The following CNGB1 variants were observed in gnomAD, a reference collection of about 807,000 sequenced individuals.
CNGB1 encodes cyclic nucleotide gated channel subunit beta 1.
In CNGB1, 126 loss-of-function variants were observed where a neutral mutation model predicts 151.7. The ratio of observed to expected loss-of-function variants is 0.83; its 90% confidence interval spans 0.72 to 0.96. The LOEUF is 0.96. Among genes scored for constraint, CNGB1 ranks in the 40% least tolerant of loss-of-function variants. The pLI, the probability that CNGB1 is intolerant of heterozygous loss-of-function variation, is 0.00. For missense variants in CNGB1, 1,698 were observed against 1,627.0 expected (o/e 1.04, Z -0.75); for synonymous variants, 623 against 635.1 (o/e 0.98, Z 0.29).
At chr16:57,897,575 C>A in intron 30 of CNGB1, 32 bp from the exon 31 acceptor site, 1 of 1,613,306 alleles carries the variant, frequency 6.2e-7, no homozygotes, top group Non-Finnish European at 8.5e-7. Context: ...GGAGGCCCTT[C>A]AGAGACTGCC....
chr16:57,905,541 A>C (rs1301898156), intron 25 of CNGB1, among the ~76,000 whole-genome samples: 1 of 152,230 alleles, frequency 6.6e-6, no homozygotes, highest in Non-Finnish European at 1.5e-5. Context: ...GTGTGGTAAA[A>C]GGCATAGGAA....
At chr16:57,893,169 A>G (rs1377092493) in intron 31 of CNGB1, among the ~76,000 whole-genome samples, 1 of 152,244 alleles carries the variant, frequency 6.6e-6, no homozygotes, top group Non-Finnish European at 1.5e-5. Flanking sequence ...GTGTGATACA[A>G]GACAAGGAGG....
At chr16:57,893,047 C>T (rs1446936710) in intron 31 of CNGB1, among the ~76,000 whole-genome samples, 2 of 152,170 alleles carry the variant, frequency 1.3e-5, no homozygotes, top group Non-Finnish European at 2.9e-5. Flanking sequence ...GTACTCGATA[C>T]ATCACTGTGC....
At chr16:57,912,891 T>C in intron 24 of CNGB1, 39 bp downstream of exon 24, 1 of 1,592,388 alleles carries the variant, frequency 6.3e-7, no homozygotes, top group Non-Finnish European at 8.6e-7. Context: ...GTGAGTGTCA[T>C]GTGTGTGTGC....
chr16:57,887,400 G>A (rs745506133), intron 32 of CNGB1, among the ~76,000 whole-genome samples: 8 of 152,050 alleles, frequency 5.3e-5, no homozygotes, highest in Non-Finnish European at 8.8e-5. Flanking sequence ...ACACCGAATG[G>A]CTCAAGAATT....
At chr16:57,947,226 C>T (rs1961832331) in intron 14 of CNGB1, among the ~76,000 whole-genome samples, 1 of 152,232 alleles carries the variant, frequency 6.6e-6, no homozygotes, top group Non-Finnish European at 1.5e-5. Context: ...CACATCTGCA[C>T]ATGCATGTAT....
At chr16:57,954,235 C>T (rs1410872418) in intron 12 of CNGB1, among the ~76,000 whole-genome samples, 1 of 152,162 alleles carries the variant, frequency 6.6e-6, no homozygotes, top group East Asian at 1.9e-4. Context: ...GGGATTGCCC[C>T]ACCTCATCAC....
rs2405011 is a variant in CNGB1 at position 57,960,331 on chromosome 16, C to T, written c.583+151G>A. On this transcript the variant is annotated intron_variant, in intron 9 of 32. Transcript: ENST00000251102. ...ACTGGGGAGGGGATTCTGGTGTCCC[C>T]GCCAACAGCCTGCTCCAGGCAAGCC... 15 of 1,193,432 alleles carry T rather than the reference C, an allele frequency of 1.3e-5. No homozygotes were observed. The East Asian group carries it at 3.1e-4, about 24-fold the overall frequency. 73.9% of individuals were successfully genotyped at this position (1,193,432 alleles called of 1,614,324 possible).
intron 32 of CNGB1, among the ~76,000 whole-genome samples, chr16:57,886,421 C>G (rs1285341960): frequency 6.6e-6 from 1 of 152,230 alleles, no homozygotes; most frequent in African/African-American, 2.4e-5. Context: ...TGAAGACCCC[C>G]ACTTGCCAGC....
chr16:57,901,617 CT>C lies in CNGB1; in HGVS notation c.2802del (p.Glu935SerfsTer2). On this transcript the variant is annotated frameshift_variant, in exon 28 of 33. Transcript: ENST00000251102. LOFTEE classifies it high-confidence loss of function. ...TTGTCTGGAAGCTGCACCATCAGCT[CT>C]GACTCATCTGTGAACAAGGCCTGGC... is the stretch of plus-strand genomic sequence containing the variant. ...TWHSQGMLDE[S>X]ELMVQLPDKM... The C allele has an allele frequency of 6.2e-7, 1 of 1,613,854 alleles. No homozygotes were observed. The highest frequency in any genetic ancestry group is 1.1e-5 in the South Asian group (1 of 91,040).
chr16:57,887,519 C>T (rs1959965198), intron 32 of CNGB1, among the ~76,000 whole-genome samples: 1 of 151,900 alleles, frequency 6.6e-6, no homozygotes, highest in Admixed American at 6.6e-5. Context: ...AGGAGGATGT[C>T]ATCCTAGATA....
chr16:57,919,059 TC>T, intron 20 of CNGB1, 39 bp downstream of exon 20: 1 of 1,613,964 alleles, frequency 6.2e-7, no homozygotes, highest in Non-Finnish European at 8.5e-7. Flanking sequence ...TCCTGCTCTC[TC>T]ATCTTACACA....
intron 2 of CNGB1, among the ~76,000 whole-genome samples, 176 bp downstream of exon 2, chr16:57,966,952 C>T (rs1962414131): frequency 6.6e-6 from 1 of 152,176 alleles, no homozygotes; most frequent in South Asian, 2.1e-4. Flanking sequence ...CAAGCCCTAC[C>T]CACTGTCTGA....
chr16:57,957,285 G>A, intron 12 of CNGB1, 56 bp downstream of exon 12: 18 of 1,550,708 alleles, frequency 1.2e-5, no homozygotes, highest in Non-Finnish European at 1.6e-5. Context: ...CAGACCCAAG[G>A]ACACCAAGCA....
At chr16:57,911,351 C>A (rs192139054) in intron 25 of CNGB1, among the ~76,000 whole-genome samples, 44 of 152,296 alleles carry the variant, frequency 2.9e-4, no homozygotes, top group Admixed American at 2.8e-3. Flanking sequence ...TGCAATGGCA[C>A]GATCTCGGCT....
intron 17 of CNGB1, among the ~76,000 whole-genome samples, chr16:57,929,757 C>T (rs1961295184): frequency 6.6e-6 from 1 of 152,178 alleles, no homozygotes; most frequent in Non-Finnish European, 1.5e-5. Context: ...TGGGGAAAAC[C>T]AGTCCCATGA....
chr16:57,902,355 G>A (rs1330398649), intron 27 of CNGB1, among the ~76,000 whole-genome samples: 1 of 151,784 alleles, frequency 6.6e-6, no homozygotes, highest in Non-Finnish European at 1.5e-5. Context: ...ACAGGAGTGA[G>A]CCACCGCACC....
chr16:57,919,179 T>TAGTGCTCC lies in CNGB1; in HGVS notation c.1869_1876dup (p.Tyr626TrpfsTer29), dbSNP rs778987083. On this transcript the variant is annotated frameshift_variant, in exon 20 of 33. Coordinates refer to ENST00000251102, the MANE Select transcript of CNGB1 (RefSeq NM_001297.5). LOFTEE classifies it high-confidence loss of function. Reference sequence around the variant, plus strand: ...GAACTTGCAGCAGAGCATGTCGCAATAGTGCTCCTCTTCCACTGGCTCGGC... The same window carrying TAGTGCTCC: ...GAACTTGCAGCAGAGCATGTCGCAATAGTGCTCCAGTGCTCCTCTTCCACTGGCTCGGC... 3 of 1,614,204 alleles carry TAGTGCTCC rather than the reference T, an allele frequency of 1.9e-6. No homozygotes were observed. Among genetic ancestry groups the TAGTGCTCC allele is most frequent in the Non-Finnish European group, 2.5e-6 (3 of 1,180,026 alleles).
At chr16:57,901,961 C>A (rs140908092) in intron 27 of CNGB1, among the ~76,000 whole-genome samples, 26 of 152,344 alleles carry the variant, frequency 1.7e-4, no homozygotes, top group Non-Finnish European at 2.1e-4. Context: ...TTATTGGTCA[C>A]CTGTGTTCCC....
Sources: allele counts gnomAD v4.1 joint callset (sites outside exome capture counted in the v4.1 genomes callset), GRCh38; gene constraint gnomAD v4.1.1; transcripts MANE v1.5; gene names NCBI Gene and HGNC (gene_info 2026-07-23, HGNC 2026-07-21).